Variants in BCR observed in about 807,000 individuals in gnomAD.
The protein encoded by BCR is BCR activator of RhoGEF and GTPase.
A neutral mutation model predicts 138.6 loss-of-function variants in BCR; 58 were observed. The ratio of observed to expected loss-of-function variants is 0.42; its 90% CI spans 0.34 to 0.52. BCR has a LOEUF of 0.52. Among genes scored for constraint, BCR ranks in the 20% least tolerant of loss-of-function variants. The pLI, the probability that BCR is intolerant of heterozygous loss-of-function variation, is 0.06. For missense variants in BCR, 1,599 were observed against 1,727.2 expected, an observed-to-expected ratio of 0.93 and a Z score of 1.32; for synonymous variants, 786 against 730.1, an observed-to-expected ratio of 1.08 and a Z score of -1.23.
chr22:23,232,307 A>G (rs1010609), intron 1 of BCR, among the ~76,000 whole-genome samples: 89,503 of 152,152 alleles, frequency 0.59, 26,988 homozygotes, highest in African/African-American at 0.72. Context: ...TTTTATTGAC[A>G]AGAAGCCTGG....
At chr22:23,229,061 G>C (rs1453283985) in intron 1 of BCR, among the ~76,000 whole-genome samples, 1 of 151,732 alleles carries the variant, frequency 6.6e-6, no homozygotes, top group Non-Finnish European at 1.5e-5. Context: ...CTCCATTTTT[G>C]TTTTCTCTCT....
At chr22:23,183,798 G>T (rs555395746) in intron 1 of BCR, among the ~76,000 whole-genome samples, 1 of 152,326 alleles carries the variant, frequency 6.6e-6, no homozygotes, top group African/African-American at 2.4e-5. Flanking sequence ...GAGAATTCTG[G>T]GTTTCCAGAA....
At position 23,225,744 on chromosome 22, in the gene BCR, A is replaced by G. The variant is rs942708105; in HGVS notation, c.1280-28055A>G. Among the ~76,000 whole-genome samples the G allele has an allele frequency of 5.9e-5, 9 of 152,196 alleles. 1 individual carries two copies. The highest frequency in any genetic ancestry group is 3.3e-4 in the Admixed American group (5 of 15,278). On this transcript the variant is annotated intron_variant, in intron 1 of 22. Transcript: ENST00000305877. Reference sequence around the variant, plus strand: ...TTCCAGGTCCCTGTGCTTCTCCTGCATCCCAGCTCTTCTGTCATTGGAAGG... The same window carrying G: ...TTCCAGGTCCCTGTGCTTCTCCTGCGTCCCAGCTCTTCTGTCATTGGAAGG...
intron 1 of BCR, among the ~76,000 whole-genome samples, chr22:23,217,299 A>T (rs2072766260): frequency 6.6e-6 from 1 of 152,258 alleles, no homozygotes; most frequent in African/African-American, 2.4e-5. Context: ...TGTCAGATCC[A>T]CTGTTAGGTC....
At chr22:23,284,157 G>T in intron 9 of BCR, 59 bp downstream of exon 9, 1 of 1,599,508 alleles carries the variant, frequency 6.3e-7, no homozygotes, top group Non-Finnish European at 8.5e-7. Flanking sequence ...TCCAGGTCAT[G>T]GAGGGTCTTG....
intron 2 of BCR, among the ~76,000 whole-genome samples, chr22:23,257,001 C>T (rs530799265): frequency 2.6e-5 from 4 of 152,212 alleles, no homozygotes; most frequent in South Asian, 2.1e-4. Context: ...GCTTCCTACC[C>T]GCCCCAGCCT....
At chr22:23,312,068 G>A in intron 19 of BCR, 1 of 802,930 alleles carries the variant, frequency 1.2e-6, no homozygotes, top group Non-Finnish European at 1.9e-6. Flanking sequence ...TAGGCCAGGG[G>A]TTTCTGCAGG....
At chr22:23,294,354 G>A (rs2267025) in intron 15 of BCR, among the ~76,000 whole-genome samples, 18,777 of 152,138 alleles carry the variant, frequency 0.12, 1,476 homozygotes, top group African/African-American at 0.22. Flanking sequence ...TAGTCTCACC[G>A]CCATAAAAGT....
chr22:23,243,683 C>G (rs943441516), intron 1 of BCR, among the ~76,000 whole-genome samples: 1 of 149,268 alleles, frequency 6.7e-6, no homozygotes, highest in African/African-American at 2.5e-5. Context: ...GAGCCTCGCT[C>G]TGTTGCCCAG....
At chr22:23,261,744 T>TTC (rs1288636254) in intron 4 of BCR, 5 of 369,046 alleles carry the variant, frequency 1.4e-5, no homozygotes, top group African/African-American at 2.1e-5. Flanking sequence ...TTTTTTTTTT[T>TTC]TTCTAATTTA....
chr22:23,219,364 G>A (rs772391772), intron 1 of BCR, among the ~76,000 whole-genome samples: 2 of 152,162 alleles, frequency 1.3e-5, no homozygotes, highest in Non-Finnish European at 2.9e-5. Flanking sequence ...CCTCCCCCCG[G>A]ATCCCAAGCC....
chr22:23,260,108 G>C (rs1464082047), intron 2 of BCR, among the ~76,000 whole-genome samples: 1 of 152,234 alleles, frequency 6.6e-6, no homozygotes, highest in East Asian at 1.9e-4. Context: ...ACGTGAATTT[G>C]AGTGGGGAGG....
chr22:23,293,327 G>A (rs928983873), intron 15 of BCR, among the ~76,000 whole-genome samples: 2 of 152,162 alleles, frequency 1.3e-5, no homozygotes, highest in South Asian at 2.1e-4. Flanking sequence ...CTGCTCCTGC[G>A]AAGGAGGAAG....
intron 1 of BCR, among the ~76,000 whole-genome samples, chr22:23,250,627 G>A (rs1433303849): frequency 1.3e-5 from 2 of 152,182 alleles, no homozygotes; most frequent in Non-Finnish European, 2.9e-5. Context: ...GGAGACTAGG[G>A]TGAGGAAGTT....
chr22:23,201,341 A>G (rs2146209776), intron 1 of BCR, among the ~76,000 whole-genome samples: 1 of 152,338 alleles, frequency 6.6e-6, no homozygotes, highest in Admixed American at 6.5e-5. Flanking sequence ...TGGCAGTTGT[A>G]GGACTGAGTC....
rs188979773 is a variant in BCR, at chr22:23,281,937, C to A, written c.2116-2040C>A. On this transcript the variant is annotated intron_variant, in intron 8 of 22. Transcript: ENST00000305877. ...GCAGCCTCTGCTGGAGAGGGAGCTG[C>A]GTTTCTTGACCGCAGGCAGAGTGGG... Among the ~76,000 whole-genome samples, 76 of 152,322 alleles carry A rather than the reference C, an allele frequency of 5.0e-4. 1 individual carries two copies. Among genetic ancestry groups the A allele is most frequent in the African/African-American group, 1.7e-3 (71 of 41,578 alleles).
intron 1 of BCR, among the ~76,000 whole-genome samples, chr22:23,190,037 C>A (rs1158618399): frequency 6.6e-6 from 1 of 152,218 alleles, no homozygotes; most frequent in Non-Finnish European, 1.5e-5. Context: ...AGTCCAAGAT[C>A]AAGGTGCCAG....
chr22:23,315,626 C>T lies in BCR; in HGVS notation c.*104C>T. 1.8e-6 allele frequency: 2 copies of T among 1,088,220 alleles called. No individual in the cohort carries two copies. Among genetic ancestry groups the T allele is most frequent in the Non-Finnish European group, 2.8e-6 (2 of 720,758 alleles). 67.4% of individuals were successfully genotyped at this position (1,088,220 alleles called of 1,614,324 possible). ...CTTCCTGAGGTGTCCTTGGGCCACC[C>T]CCAAGTGTTGGGCCATCTGCCAAGA... On this transcript the variant is annotated 3_prime_UTR_variant, in exon 23 of 23. Coordinates refer to ENST00000305877, the MANE Select transcript of BCR (RefSeq NM_004327.4).
chr22:23,230,595 A>G (rs1568944501), intron 1 of BCR, among the ~76,000 whole-genome samples: 1 of 152,202 alleles, frequency 6.6e-6, no homozygotes, highest in Non-Finnish European at 1.5e-5. Context: ...GCAGTGTCCC[A>G]GGGTTTGCTC....
Sources: gnomAD v4.1 joint callset for allele counts (sites outside exome capture counted in the v4.1 genomes callset) on GRCh38, gnomAD v4.1.1 for gene constraint, MANE v1.5 for transcripts, NCBI Gene and HGNC (gene_info 2026-07-23, HGNC 2026-07-21) for gene names.